Variants in MDFIC2 observed in about 807,000 individuals in gnomAD.
MDFIC2 encodes MyoD family inhibitor domain containing 2.
intron 2 of MDFIC2, among the ~76,000 whole-genome samples, chr3:70,240,382 G>C (rs1407575349): frequency 6.6e-6 from 1 of 151,902 alleles, no homozygotes; most frequent in Non-Finnish European, 1.5e-5. Context: ...GTAGAAGTGA[G>C]CTATGTGGTT....
intron 2 of MDFIC2, among the ~76,000 whole-genome samples, chr3:70,300,933 T>C (rs1190826219): frequency 3.3e-5 from 5 of 152,022 alleles, no homozygotes; most frequent in Admixed American, 3.3e-4. Flanking sequence ...AAGAAAGCCG[T>C]TAGTGCAATT....
intron 2 of MDFIC2, among the ~76,000 whole-genome samples, chr3:70,275,082 A>G (rs987598551): frequency 6.6e-6 from 1 of 152,208 alleles, no homozygotes. Flanking sequence ...GCTGTTATTT[A>G]TAACCTCCAA....
At chr3:70,289,494 T>A (rs2106690847) in intron 2 of MDFIC2, among the ~76,000 whole-genome samples, 1 of 149,560 alleles carries the variant, frequency 6.7e-6, no homozygotes, top group East Asian at 2.0e-4. Context: ...CCCTTAACAT[T>A]TTTTCCTTCA....
Position 70,298,912 on chromosome 3 carries a change from C to G in MDFIC2, c.88+12974G>C, listed in dbSNP as rs1702318077. Among the ~76,000 whole-genome samples the G allele has an allele frequency of 3.9e-5, 6 of 152,200 alleles. No homozygotes were observed. In the South Asian group the frequency reaches 1.2e-3, roughly 32 times the overall value. ...AAACTTTTCTGACCTTTATTTTCCT[C>G]ATTTGTAAAAAAGCACGGTAATACT... On this transcript the variant is annotated intron_variant, in intron 2 of 3. Transcript: ENST00000567252.
intron 2 of MDFIC2, among the ~76,000 whole-genome samples, chr3:70,278,669 C>T (rs1044269437): frequency 1.3e-5 from 2 of 152,044 alleles, no homozygotes; most frequent in African/African-American, 4.8e-5. Context: ...ACAACTGAGC[C>T]TGTATGATGG....
In MDFIC2 at chr3:70,301,377, A is replaced by G. The variant is rs533086627; in HGVS notation, c.88+10509T>C. ...CACCCACATTGTTTTTGCATGTTCT[A>G]TTATATTTCAAATACAGCTAAAGAG... On this transcript the variant is annotated intron_variant, in intron 2 of 3. Transcript: ENST00000567252. 3.9e-5 allele frequency among the ~76,000 whole-genome samples: 6 copies of G among 152,122 alleles called. 1 individual carries two copies. Among genetic ancestry groups the G allele is most frequent in the South Asian group, 2.1e-4 (1 of 4,820 alleles).
intron 1 of MDFIC2, among the ~76,000 whole-genome samples, chr3:70,312,334 C>T (rs2106711025): frequency 6.6e-6 from 1 of 152,260 alleles, no homozygotes; most frequent in African/African-American, 2.4e-5. Flanking sequence ...AAGCATGCTG[C>T]AAAGTGGTAT....
chr3:70,230,352 A>AT (rs945783331), intron 2 of MDFIC2, among the ~76,000 whole-genome samples: 1 of 152,126 alleles, frequency 6.6e-6, no homozygotes, highest in Non-Finnish European at 1.5e-5. Context: ...AGCAATAGAA[A>AT]TTTTTTTCAC....
At chr3:70,255,258 C>A (rs1015927076) in intron 2 of MDFIC2, among the ~76,000 whole-genome samples, 1 of 152,210 alleles carries the variant, frequency 6.6e-6, no homozygotes, top group East Asian at 1.9e-4. Context: ...ACCAATGACA[C>A]ATAAATTTTT....
chr3:70,290,372 G>A (rs912197200), intron 2 of MDFIC2, among the ~76,000 whole-genome samples: 4 of 152,156 alleles, frequency 2.6e-5, no homozygotes, highest in African/African-American at 4.8e-5. Flanking sequence ...TAGGCTGCTC[G>A]GGGGCCAGGG....
At chr3:70,229,345 A>T (rs566178986) in intron 2 of MDFIC2, among the ~76,000 whole-genome samples, 10 of 152,288 alleles carry the variant, frequency 6.6e-5, no homozygotes, top group African/African-American at 2.2e-4. Flanking sequence ...CCTTATTTGC[A>T]TATGCTGGTA....
In MDFIC2 at chr3:70,196,077, T is replaced by A. The variant is rs1262412380; in HGVS notation, c.*849A>T. Among the ~76,000 whole-genome samples the A allele has an allele frequency of 6.6e-6, 1 of 152,226 alleles. No individual in the cohort carries two copies. The highest frequency in any genetic ancestry group is 1.5e-5 in the Non-Finnish European group (1 of 68,034). ...CAAATGATAGTTTTGTAAAATGAGCTGAATCTGTTTTAATATCCTGTTGCT... is the reference window on the plus strand; with the variant it reads ...CAAATGATAGTTTTGTAAAATGAGCAGAATCTGTTTTAATATCCTGTTGCT... On this transcript the variant is annotated 3_prime_UTR_variant, in exon 4 of 4. Coordinates refer to ENST00000567252, the MANE Select transcript of MDFIC2 (RefSeq NM_001364677.1).
intron 2 of MDFIC2, among the ~76,000 whole-genome samples, chr3:70,282,711 A>G (rs1332972635): frequency 1.3e-5 from 2 of 152,154 alleles, no homozygotes; most frequent in East Asian, 3.9e-4. Flanking sequence ...TACCTTGTCT[A>G]TGCCCTTCTT....
chr3:70,269,556 G>A lies in MDFIC2; in HGVS notation c.88+42330C>T, dbSNP rs116158260. Among the ~76,000 whole-genome samples, 817 of 152,198 alleles carry A rather than the reference G, an allele frequency of 5.4e-3. 8 individuals are homozygous for A. Among genetic ancestry groups the A allele is most frequent in the African/African-American group, 0.019 (788 of 41,538 alleles). The stretch of plus-strand genomic sequence containing the variant: ...TAAATATTTTTTGACCACGTAGCAG[G>A]GTTGGAGTCTCTCTGAACCAATTTT... On this transcript the variant is annotated intron_variant, in intron 2 of 3. Coordinates refer to ENST00000567252, the MANE Select transcript of MDFIC2 (RefSeq NM_001364677.1).
chr3:70,296,390 C>A (rs531377826), intron 2 of MDFIC2, among the ~76,000 whole-genome samples: 1 of 152,160 alleles, frequency 6.6e-6, no homozygotes, highest in Admixed American at 6.5e-5. Context: ...CCAGAGCCTA[C>A]CAGAAAATGG....
chr3:70,220,719 T>A (rs893980697), intron 2 of MDFIC2, among the ~76,000 whole-genome samples: 2 of 152,202 alleles, frequency 1.3e-5, no homozygotes, highest in African/African-American at 4.8e-5. Flanking sequence ...TGACTGCTAC[T>A]GTATCAGGCA....
chr3:70,216,692 T>A (rs897227459), intron 2 of MDFIC2, among the ~76,000 whole-genome samples: 1 of 152,096 alleles, frequency 6.6e-6, no homozygotes, highest in Non-Finnish European at 1.5e-5. Context: ...TTGAAAAACA[T>A]ACTCAGGTCT....
At chr3:70,273,971 C>G (rs1007883649) in intron 2 of MDFIC2, among the ~76,000 whole-genome samples, 27 of 151,472 alleles carry the variant, frequency 1.8e-4, no homozygotes, top group African/African-American at 6.6e-4. Context: ...CCAGAATTTT[C>G]TTTTTGACAC....
At chr3:70,305,966 C>T (rs1254767940) in intron 2 of MDFIC2, among the ~76,000 whole-genome samples, 2 of 152,096 alleles carry the variant, frequency 1.3e-5, no homozygotes, top group African/African-American at 4.8e-5. Context: ...TTATTAGTCT[C>T]TAATATGTGT....
Sources: allele counts gnomAD v4.1 joint callset (sites outside exome capture counted in the v4.1 genomes callset), GRCh38; gene constraint gnomAD v4.1.1; transcripts MANE v1.5; gene names NCBI Gene and HGNC (gene_info 2026-07-23, HGNC 2026-07-21).